The following STAB2 variants were observed in gnomAD, a reference collection of about 807,000 sequenced individuals.
STAB2 encodes stabilin-2.
Under a neutral mutation model 338.1 loss-of-function variants are expected in STAB2, and 288 were observed. That is an observed-to-expected ratio of 0.85 (90% CI 0.77 to 0.94). The LOEUF is 0.94. STAB2 is among the 40% of genes least tolerant of loss of function. The pLI is 0.00. For synonymous variants in STAB2, 1,202 were observed against 1,193.3 expected (o/e 1.01, Z -0.15); for missense variants, 3,141 against 3,210.1 (o/e 0.98, Z 0.52).
At chr12:103,737,483 A>G (rs1882219436) in intron 52 of STAB2, 151 bp from the exon 53 acceptor site, 1 of 770,754 alleles carries the variant, frequency 1.3e-6, no homozygotes, top group South Asian at 2.0e-5. Flanking sequence ...ATATGAATAC[A>G]TGGGGTTTTA....
At chr12:103,638,257 A>G in intron 8 of STAB2, 45 bp downstream of exon 8, 5 of 1,568,908 alleles carry the variant, frequency 3.2e-6, no homozygotes, top group Non-Finnish European at 4.3e-6. Flanking sequence ...AAGTTTGACA[A>G]GCCACTATGT....
chr12:103,721,806 G>C (rs1307465341), intron 44 of STAB2, among the ~76,000 whole-genome samples: 2 of 152,182 alleles, frequency 1.3e-5, no homozygotes, highest in Admixed American at 1.3e-4. Flanking sequence ...CTTGGAGAGA[G>C]AGGGAGATAA....
intron 44 of STAB2, among the ~76,000 whole-genome samples, chr12:103,723,557 G>A (rs1880937998): frequency 6.6e-6 from 1 of 152,206 alleles, no homozygotes; most frequent in South Asian, 2.1e-4. Flanking sequence ...CTAGAGAGAG[G>A]GAAATTAAAT....
rs145207929 is a variant in STAB2 at position 103,733,155 on chromosome 12, G to A, written c.5433G>A (p.Leu1811=). ...QDNKDKLKEY[L]KFHVIRDAKV... is the part of the protein sequence containing the mutation. ...ACAAGGACAAGCTGAAGGAGTATTTGAAGTTTCATGTGATACGAGATGCCA... is the reference window on the plus strand; with the variant it reads ...ACAAGGACAAGCTGAAGGAGTATTTAAAGTTTCATGTGATACGAGATGCCA... The change falls in exon 51 of 69, where the codon TTG becomes TTA. Residue 1811 remains leucine (L), a synonymous_variant. Coordinates refer to ENST00000388887, the MANE Select transcript of STAB2 (RefSeq NM_017564.10). The A allele has an allele frequency of 2.7e-5, 43 of 1,614,144 alleles. No individual in the cohort carries two copies. In the African/African-American group the frequency reaches 5.5e-4, roughly 21 times the overall value.
chr12:103,735,462 G>A, intron 51 of STAB2, 29 bp from the exon 52 acceptor site: 2 of 1,539,674 alleles, frequency 1.3e-6, no homozygotes, highest in Non-Finnish European at 1.8e-6. Context: ...CAAATTTGGG[G>A]CAGTCACGTG....
chr12:103,689,253 T>C (rs697208), intron 28 of STAB2, among the ~76,000 whole-genome samples: 68,163 of 151,914 alleles, frequency 0.45, 15,357 homozygotes, highest in East Asian at 0.53. Context: ...GAGGCTGAGG[T>C]GGGTGGATCA....
intron 16 of STAB2, 91 bp from the exon 17 acceptor site, chr12:103,660,592 G>C: frequency 6.9e-7 from 1 of 1,446,838 alleles, no homozygotes; most frequent in Non-Finnish European, 9.7e-7. Context: ...ATTTCACTTT[G>C]AAACCTATTT....
In STAB2 at chr12:103,662,991, T is replaced by A. The variant is rs539604328; in HGVS notation, c.2015T>A (p.Met672Lys). ...PHRCDETKRE[M>K]KLGTCVSCSL... ...CGATGTGATGAAACAAAGAGAGAGATGAAACTGGTAAGAAAACTAGGAAAA... is the reference window on the plus strand; with the variant it reads ...CGATGTGATGAAACAAAGAGAGAGAAGAAACTGGTAAGAAAACTAGGAAAA... The change falls in exon 18 of 69, where the codon ATG becomes AAG. Residue 672 changes from methionine to lysine, a missense_variant. Transcript: ENST00000388887. 1.2e-6 allele frequency: 2 copies of A among 1,613,782 alleles called. No individual in the cohort carries two copies. The highest frequency in any genetic ancestry group is 4.5e-5 in the East Asian group (2 of 44,850).
chr12:103,629,291 T>C (rs1957424696), intron 5 of STAB2, among the ~76,000 whole-genome samples: 1 of 152,142 alleles, frequency 6.6e-6, no homozygotes. Context: ...CAGGGAATAA[T>C]CATGTCTGAA....
chr12:103,716,972 C>T (rs146247232), intron 43 of STAB2, among the ~76,000 whole-genome samples: 92 of 152,244 alleles, frequency 6.0e-4, no homozygotes, highest in African/African-American at 2.1e-3. Context: ...GGAAGAGAAA[C>T]GGGAAAACCT....
At chr12:103,620,702 A>T in intron 4 of STAB2, 149 bp downstream of exon 4, 4 of 762,408 alleles carry the variant, frequency 5.2e-6, no homozygotes, top group Non-Finnish European at 8.4e-6. Flanking sequence ...GAAGGTATTA[A>T]TTTTTTAAAA....
Position 103,587,453 on chromosome 12 carries a change from C to G in STAB2, c.-24C>G, listed in dbSNP as rs1217502972. 36 of 1,603,610 alleles carry G rather than the reference C, an allele frequency of 2.2e-5. No individual in the cohort carries two copies. The highest frequency in any genetic ancestry group is 2.9e-5 in the Non-Finnish European group (34 of 1,171,842). The stretch of plus-strand genomic sequence containing the variant: ...AAGTCAGCCTGACAGGTGCTTGGCA[C>G]AGAGAAGGAGCAAATATTTCCTCAT... On this transcript the variant is annotated 5_prime_UTR_variant, in exon 1 of 69. Coordinates refer to ENST00000388887, the MANE Select transcript of STAB2 (RefSeq NM_017564.10).
chr12:103,692,267 C>A (rs1270065836), intron 30 of STAB2, among the ~76,000 whole-genome samples: 1 of 152,142 alleles, frequency 6.6e-6, no homozygotes, highest in Admixed American at 6.5e-5. Flanking sequence ...GTGAGAACAC[C>A]AGTCAAATTG....
chr12:103,624,212 G>C (rs1593154376), intron 5 of STAB2, among the ~76,000 whole-genome samples: 1 of 152,238 alleles, frequency 6.6e-6, no homozygotes, highest in Non-Finnish European at 1.5e-5. Flanking sequence ...TCTTAGGCAG[G>C]TGCTGTGGTA....
Position 103,605,102 on chromosome 12 carries a change from G to A in STAB2, c.331+10592G>A, listed in dbSNP as rs563336573. 3.3e-4 allele frequency among the ~76,000 whole-genome samples: 50 copies of A among 151,448 alleles called. 1 individual carries two copies. In the South Asian group the frequency reaches 7.3e-3, roughly 22 times the overall value. Reference sequence around the variant, plus strand: ...CCATCTTGATTTATTCTTTGAAATCGGTTACTTTTATGTATAATATTTTAC... The same window carrying A: ...CCATCTTGATTTATTCTTTGAAATCAGTTACTTTTATGTATAATATTTTAC... On this transcript the variant is annotated intron_variant, in intron 3 of 68. Coordinates refer to ENST00000388887, the MANE Select transcript of STAB2 (RefSeq NM_017564.10).
At chr12:103,723,790 A>G (rs903921579) in intron 44 of STAB2, among the ~76,000 whole-genome samples, 1 of 152,066 alleles carries the variant, frequency 6.6e-6, no homozygotes, top group African/African-American at 2.4e-5. Context: ...GTTCGAGGGG[A>G]CTGAGTGGGT....
At chr12:103,757,766 G>C (rs538949777) in intron 63 of STAB2, among the ~76,000 whole-genome samples, 1 of 152,240 alleles carries the variant, frequency 6.6e-6, no homozygotes, top group African/African-American at 2.4e-5. Flanking sequence ...GTGAGCAAGA[G>C]AGGACAAGCT....
At chr12:103,639,921 G>C (rs917536735) in intron 8 of STAB2, among the ~76,000 whole-genome samples, 4 of 152,138 alleles carry the variant, frequency 2.6e-5, no homozygotes, top group Non-Finnish European at 4.4e-5. Flanking sequence ...TTATAAGCAA[G>C]GAGTATAAGC....
intron 6 of STAB2, among the ~76,000 whole-genome samples, chr12:103,632,256 G>A (rs563898556): frequency 1.5e-4 from 23 of 152,292 alleles, no homozygotes; most frequent in African/African-American, 5.3e-4. Context: ...TTTAAACAAG[G>A]GAAGTTTAAT....
Sources: gnomAD v4.1 joint callset for allele counts (sites outside exome capture counted in the v4.1 genomes callset) on GRCh38, gnomAD v4.1.1 for gene constraint, MANE v1.5 for transcripts, NCBI Gene and HGNC (gene_info 2026-07-23, HGNC 2026-07-21) for gene names.